PPFIBP2: variants seen among roughly 807,000 people sequenced by gnomAD.
PPFIBP2 encodes the protein liprin-beta-2.
A neutral mutation model predicts 118.3 loss-of-function variants in PPFIBP2; 118 were observed. The ratio of observed to expected loss-of-function variants is 1.00; its 90% confidence interval spans 0.86 to 1.16. The LOEUF (loss-of-function observed/expected upper bound fraction) is 1.16, where lower values mean the gene tolerates loss of function less well. Ranked by LOEUF, PPFIBP2 falls within the 50% of genes most tolerant of loss-of-function variation. The pLI is 0.00. For missense variants in PPFIBP2, 1,195 were observed against 1,073.1 expected (o/e 1.11, Z -1.59); for synonymous variants, 414 against 397.4 (o/e 1.04, Z -0.50).
intron 5 of PPFIBP2, chr11:7,605,835 G>GCA: frequency 1.4e-6 from 2 of 1,379,832 alleles, no homozygotes; most frequent in Non-Finnish European, 9.3e-7. Flanking sequence ...TAGAAGCAAA[G>GCA]CAAACACATT....
At chr11:7,605,850 A>G (rs2135431618) in intron 5 of PPFIBP2, 1 of 1,432,200 alleles carries the variant, frequency 7.0e-7, no homozygotes, top group Non-Finnish European at 9.1e-7. Context: ...CACATTCTGG[A>G]TACACGTGAG....
chr11:7,607,447 C>T (rs968296302), intron 5 of PPFIBP2, among the ~76,000 whole-genome samples: 4 of 151,938 alleles, frequency 2.6e-5, no homozygotes, highest in Admixed American at 2.6e-4. Context: ...TCTCAAACTC[C>T]TGGGGCTCAA....
intron 1 of PPFIBP2, among the ~76,000 whole-genome samples, chr11:7,530,870 TTGGAGTCACATAGACCTC>T (rs1323932390): frequency 6.6e-6 from 1 of 152,166 alleles, no homozygotes; most frequent in African/African-American, 2.4e-5. Flanking sequence ...CTGTGGCCAT[TTGGAGTCACATAGACCTC>T]TGTAATTTTC....
Position 7,653,396 on chromosome 11 carries a change from T to A in PPFIBP2, c.*178T>A. ...AGGGTGGCCAGGATCTGGAGCTGCA[T>A]CTCTAAGGGGCCAGGCTTTGGGGAC... On this transcript the variant is annotated 3_prime_UTR_variant, in exon 24 of 24. Coordinates refer to ENST00000299492, the MANE Select transcript of PPFIBP2 (RefSeq NM_003621.5). 1 of 1,486,720 alleles carries A rather than the reference T, an allele frequency of 6.7e-7. No individual in the cohort carries two copies. The highest frequency in any genetic ancestry group is 8.9e-7 in the Non-Finnish European group (1 of 1,122,260). The allele number at this position is 1,486,720 out of a possible 1,614,324, so 92.1% of individuals were successfully genotyped here. A position where few individuals can be genotyped will look rare whatever the true frequency, so the allele number is the denominator to read the frequency against.
chr11:7,653,419 G>T lies in PPFIBP2; in HGVS notation c.*201G>T. ...CATCTCTAAGGGGCCAGGCTTTGGGGACCATTGCCAAAGGTGGACTCAGGA... is the reference window on the plus strand; with the variant it reads ...CATCTCTAAGGGGCCAGGCTTTGGGTACCATTGCCAAAGGTGGACTCAGGA... On this transcript the variant is annotated 3_prime_UTR_variant, in exon 24 of 24. Transcript: ENST00000299492. 1 of 1,497,102 alleles carries T rather than the reference G, an allele frequency of 6.7e-7. No individual in the cohort carries two copies. The highest frequency in any genetic ancestry group is 8.9e-7 in the Non-Finnish European group (1 of 1,126,500). The allele number at this position is 1,497,102 out of a possible 1,614,324, so 92.7% of individuals were successfully genotyped here.
chr11:7,525,640 C>A (rs1354245315), intron 1 of PPFIBP2, among the ~76,000 whole-genome samples: 3 of 152,236 alleles, frequency 2.0e-5, no homozygotes, highest in Admixed American at 1.3e-4. Context: ...AGCGCAGAGT[C>A]CAAACCAGCT....
intron 1 of PPFIBP2, among the ~76,000 whole-genome samples, chr11:7,543,190 G>T (rs11820697): frequency 0.2 from 29,997 of 152,118 alleles, 3,631 homozygotes; most frequent in African/African-American, 0.35. Context: ...TACCAAAGAG[G>T]TTTCTTAGAT....
At chr11:7,622,712 G>T (rs1032002530) in intron 7 of PPFIBP2, among the ~76,000 whole-genome samples, 1 of 152,146 alleles carries the variant, frequency 6.6e-6, no homozygotes, top group South Asian at 2.1e-4. Flanking sequence ...GTGTGTATCT[G>T]AGTGTAGTTT....
At chr11:7,597,524 C>T in intron 4 of PPFIBP2, 36 bp from the exon 5 acceptor site, 1 of 1,590,000 alleles carries the variant, frequency 6.3e-7, no homozygotes, top group Non-Finnish European at 8.6e-7. Context: ...ATGTCAAATC[C>T]CTGGTCCTCC....
At chr11:7,648,623 A>G (rs1853497716) in intron 18 of PPFIBP2, 86 bp downstream of exon 18, 2 of 1,549,324 alleles carry the variant, frequency 1.3e-6, no homozygotes, top group Admixed American at 1.7e-5. Flanking sequence ...TCACACATAC[A>G]CACAGGAGGA....
rs150882389 is a variant in PPFIBP2, at chr11:7,560,537, A to T, written c.65-5016A>T. On this transcript the variant is annotated intron_variant, in intron 2 of 23. Transcript: ENST00000299492. ...TATTCTTTCTTTCAGAAGTTATTTA[A>T]ACATTCACCAATTTGGGGGGATTTT... Among the ~76,000 whole-genome samples, 393 of 152,330 alleles carry T rather than the reference A, an allele frequency of 2.6e-3. 3 individuals carry two copies. The highest frequency in any genetic ancestry group is 0.01 in the Middle Eastern group (3 of 294).
intron 7 of PPFIBP2, among the ~76,000 whole-genome samples, chr11:7,624,757 A>G (rs1467766445): frequency 1.3e-5 from 2 of 152,250 alleles, no homozygotes; most frequent in Non-Finnish European, 2.9e-5. Context: ...CACTTAGTAT[A>G]TACTAAATAT....
chr11:7,554,922 T>C (rs1223957654), intron 2 of PPFIBP2, among the ~76,000 whole-genome samples: 1 of 152,156 alleles, frequency 6.6e-6, no homozygotes, highest in Non-Finnish European at 1.5e-5. Flanking sequence ...TTGGTTCTAA[T>C]ATGAAAGACC....
At chr11:7,565,011 TTAATA>T (rs68038507) in intron 2 of PPFIBP2, among the ~76,000 whole-genome samples, 25,358 of 151,832 alleles carry the variant, frequency 0.17, 2,111 homozygotes, top group African/African-American at 0.18. Flanking sequence ...ATCTATGACT[TTAATA>T]TAAAGAAAAA....
intron 4 of PPFIBP2, 77 bp downstream of exon 4, chr11:7,593,301 CA>C: frequency 6.6e-7 from 1 of 1,519,678 alleles, no homozygotes. Context: ...AAGGGAAGCC[CA>C]AGAGATTTTC....
intron 5 of PPFIBP2, among the ~76,000 whole-genome samples, chr11:7,600,535 C>T (rs2135374191): frequency 6.6e-6 from 1 of 152,320 alleles, no homozygotes; most frequent in Admixed American, 6.5e-5. Flanking sequence ...GACTCATGGC[C>T]TAGAGGCAGA....
At chr11:7,588,780 A>G (rs1858670621) in intron 3 of PPFIBP2, among the ~76,000 whole-genome samples, 1 of 152,230 alleles carries the variant, frequency 6.6e-6, no homozygotes, top group Non-Finnish European at 1.5e-5. Context: ...GCTTGGCTTC[A>G]ATGATCTTGA....
At chr11:7,655,435 G>A (rs1222265069), downstream of PPFIBP2, 2 of 1,289,730 alleles carry the variant, frequency 1.6e-6, no homozygotes, top group African/African-American at 3.0e-5. Flanking sequence ...TTTTACAGAT[G>A]GCACCTTCGG....
chr11:7,594,276 G>GTTTT (rs148062094), intron 4 of PPFIBP2, among the ~76,000 whole-genome samples: 3 of 151,670 alleles, frequency 2.0e-5, no homozygotes, highest in Non-Finnish European at 4.4e-5. Flanking sequence ...CAGTGTTGTT[G>GTTTT]GTTTTTTTTC....
Sources: gnomAD v4.1 joint callset for allele counts (sites outside exome capture counted in the v4.1 genomes callset) on GRCh38, gnomAD v4.1.1 for gene constraint, MANE v1.5 for transcripts, NCBI Gene and HGNC (gene_info 2026-07-23, HGNC 2026-07-21) for gene names.